The following OR51E2 variants were observed in gnomAD, a reference collection of about 807,000 sequenced individuals.
OR51E2 encodes the protein olfactory receptor family 51 subfamily E member 2.
In OR51E2, 14 loss-of-function variants were observed where a neutral mutation model predicts 13.7. The observed-to-expected ratio is 1.02, with a 90% CI of 0.68 to 1.60. The LOEUF (loss-of-function observed/expected upper bound fraction) is 1.60, where lower values mean the gene tolerates loss of function less well. OR51E2 is among the 40% of genes most tolerant of loss of function. The pLI, the probability that OR51E2 is intolerant of heterozygous loss-of-function variation, is 0.00. For synonymous variants in OR51E2, 180 were observed against 157.6 expected, an observed-to-expected ratio of 1.14 and a Z score of -1.07; for missense variants, 483 against 413.8, an observed-to-expected ratio of 1.17 and a Z score of -1.45.
rs1259923081 is a variant in OR51E2 at position 4,682,293 on chromosome 11, G to A, written c.419C>T (p.Thr140Ile). ...CACAGCCACGATGCCAATCTGGGCT[G>A]TTACTGTATTGTTGAGCACTGCAGC... is the stretch of plus-strand genomic sequence containing the variant. ...RHAAVLNNTVTAQIGIVAVVR... is the reference protein window; with the variant it reads ...RHAAVLNNTVIAQIGIVAVVR... Residue 140 changes from threonine to isoleucine, a missense_variant, in exon 2 of 2, where the codon ACA becomes ATA. Thr to Ile is a moderately conservative substitution (Grantham distance 89). Transcript: ENST00000396950. 6 of 1,614,066 alleles carry A rather than the reference G, an allele frequency of 3.7e-6. No homozygotes were observed. The Admixed American group carries it at 5.0e-5, about 13-fold the overall frequency.
At chr11:4,693,689 T>A (rs1267302178) in intron 1 of OR51E2, among the ~76,000 whole-genome samples, 1 of 152,004 alleles carries the variant, frequency 6.6e-6, no homozygotes, top group Non-Finnish European at 1.5e-5. Flanking sequence ...GCCATTGCAC[T>A]CCAACCTGGG....
At chr11:4,695,909 T>C (rs1564888763) in intron 1 of OR51E2, among the ~76,000 whole-genome samples, 1 of 152,192 alleles carries the variant, frequency 6.6e-6, no homozygotes, top group Admixed American at 6.5e-5. Flanking sequence ...CCTTGAGATA[T>C]CTTGGTTATT....
At chr11:4,694,274 C>G (rs1421161946) in intron 1 of OR51E2, among the ~76,000 whole-genome samples, 2 of 151,970 alleles carry the variant, frequency 1.3e-5, no homozygotes, top group East Asian at 3.9e-4. Context: ...TATATTTTGA[C>G]CTGATCTGTG....
At chr11:4,694,551 T>C (rs373253361) in intron 1 of OR51E2, among the ~76,000 whole-genome samples, 7 of 129,824 alleles carry the variant, frequency 5.4e-5, no homozygotes, top group East Asian at 4.4e-4. Flanking sequence ...TATATATATA[T>C]ACACACACAC....
chr11:4,685,911 C>T (rs1331516831), intron 1 of OR51E2: 1 of 152,208 alleles, frequency 6.6e-6, no homozygotes, highest in Non-Finnish European at 1.5e-5. Context: ...TAACACTAAC[C>T]TGTTCTATCT....
At chr11:4,692,785 C>T (rs183831737) in intron 1 of OR51E2, among the ~76,000 whole-genome samples, 15 of 149,312 alleles carry the variant, frequency 1.0e-4, no homozygotes, top group Admixed American at 1.3e-4. Flanking sequence ...GGAACCTCAA[C>T]GTATCCAGAC....
At chr11:4,692,121 A>G (rs1287125229) in intron 1 of OR51E2, 1 of 447,854 alleles carries the variant, frequency 2.2e-6, no homozygotes, top group African/African-American at 2.0e-5. Flanking sequence ...GGCACCAGAG[A>G]AAAATACACT....
rs1468846378 is a variant in OR51E2 at position 4,682,253 on chromosome 11, G to A, written c.459C>T (p.Leu153=). ...TCAGCAGAGGCAGTGGGAAAAAAAA[G>A]AGGGATCCGCGGACCACAGCCACGA... The part of the protein sequence containing the change: ...IGIVAVVRGS[L]FFFPLPLLIK... The change falls in exon 2 of 2, where the codon CTC becomes CTT. Residue 153 remains leucine, a synonymous_variant. Coordinates refer to ENST00000396950, the MANE Select transcript of OR51E2 (RefSeq NM_030774.4). The A allele has an allele frequency of 1.9e-6, 3 of 1,614,156 alleles. No individual in the cohort carries two copies. Among genetic ancestry groups the A allele is most frequent in the East Asian group, 4.5e-5 (2 of 44,866 alleles).
In OR51E2 at chr11:4,682,190, C is replaced by T. The variant is rs7939559; in HGVS notation, c.522G>A (p.Ser174=). Residue 174 remains serine, a synonymous_variant, in exon 2 of 2, where the codon TCG becomes TCA. Transcript: ENST00000396950. Reference sequence around the variant, plus strand: ...CATCCTGGTGGACACAATAGGAGTGCGAGAGGACATTGGAGTGGCAGAAGG... The same window carrying T: ...CATCCTGGTGGACACAATAGGAGTGTGAGAGGACATTGGAGTGGCAGAAGG... ...RLAFCHSNVL[S]HSYCVHQDVM... is the part of the protein sequence containing the mutation. The T allele has an allele frequency of 0.032, 52,160 of 1,614,016 alleles. 2,036 individuals carry two copies. Among genetic ancestry groups the T allele is most frequent in the East Asian group, 0.16 (7,084 of 44,882 alleles).
chr11:4,690,063 T>A (rs1847559082), intron 1 of OR51E2, among the ~76,000 whole-genome samples: 2 of 148,096 alleles, frequency 1.4e-5, no homozygotes, highest in South Asian at 4.2e-4. Flanking sequence ...CAAATATAAA[T>A]TATATATAAA....
chr11:4,693,773 A>G (rs1423858725), intron 1 of OR51E2, among the ~76,000 whole-genome samples: 1 of 152,108 alleles, frequency 6.6e-6, no homozygotes, highest in Non-Finnish European at 1.5e-5. Flanking sequence ...CACTTGTAAC[A>G]CTTCTCTTGA....
chr11:4,682,647 G>A lies in OR51E2; in HGVS notation c.65C>T (p.Ala22Val). The A allele has an allele frequency of 1.2e-6, 2 of 1,614,204 alleles. No individual in the cohort carries two copies. Among genetic ancestry groups the A allele is most frequent in the Non-Finnish European group, 1.7e-6 (2 of 1,180,026 alleles). Residue 22 changes from alanine (A) to valine (V), a missense_variant, in exon 2 of 2, where the codon GCC becomes GTC. Coordinates refer to ENST00000396950, the MANE Select transcript of OR51E2 (RefSeq NM_030774.4). ...VLIGIPGLEK[A>V]HFWVGFPLLS... ...GAGGGGGAAGCCAACCCAGAAATGG[G>A]CTTTCTCTAATCCTGGGATACCAAT...
intron 1 of OR51E2, chr11:4,690,703 A>G (rs1327676155): frequency 3.1e-6 from 1 of 324,830 alleles, no homozygotes; most frequent in African/African-American, 2.2e-5. Context: ...AATTGGAAAC[A>G]TGACCTGAAG....
Position 4,682,157 on chromosome 11 carries a change from C to T in OR51E2, c.555G>A (p.Lys185=). Residue 185 remains lysine, a synonymous_variant, in exon 2 of 2, where the codon AAG becomes AAA. Coordinates refer to ENST00000396950, the MANE Select transcript of OR51E2 (RefSeq NM_030774.4). ...HSYCVHQDVM[K]LAYADTLPNV... Reference sequence around the variant, plus strand: ...TGGGCAAAGTGTCTGCATAGGCCAACTTCATTACATCCTGGTGGACACAAT... The same window carrying T: ...TGGGCAAAGTGTCTGCATAGGCCAATTTCATTACATCCTGGTGGACACAAT... 6.2e-7 allele frequency: 1 copy of T among 1,614,214 alleles called. No individual in the cohort carries two copies. Among genetic ancestry groups the T allele is most frequent in the Non-Finnish European group, 8.5e-7 (1 of 1,180,036 alleles).
chr11:4,683,663 A>G (rs1342437155), intron 1 of OR51E2, among the ~76,000 whole-genome samples: 2 of 152,178 alleles, frequency 1.3e-5, no homozygotes, highest in African/African-American at 2.4e-5. Context: ...TAATTTTACA[A>G]TGATATTTTT....
chr11:4,690,098 A>T (rs1564887009), intron 1 of OR51E2, among the ~76,000 whole-genome samples: 1 of 149,542 alleles, frequency 6.7e-6, no homozygotes, highest in African/African-American at 2.4e-5. Flanking sequence ...ATTATATTAT[A>T]GGTAGCAATA....
At chr11:4,691,927 T>G (rs1374238091) in intron 1 of OR51E2, among the ~76,000 whole-genome samples, 1 of 152,212 alleles carries the variant, frequency 6.6e-6, no homozygotes, top group African/African-American at 2.4e-5. Context: ...GTACAATCTT[T>G]CTTCTCTAGG....
At chr11:4,696,282 C>T (rs1847655234) in intron 1 of OR51E2, among the ~76,000 whole-genome samples, 1 of 152,258 alleles carries the variant, frequency 6.6e-6, no homozygotes, top group East Asian at 1.9e-4. Flanking sequence ...AAACCTGGCT[C>T]TTCCTCCTGC....
chr11:4,690,625 G>A, intron 1 of OR51E2: 1 of 301,732 alleles, frequency 3.3e-6, no homozygotes, highest in East Asian at 9.1e-5. Context: ...ATACATTCCA[G>A]CTTTAACTTT....
Sources: allele counts gnomAD v4.1 joint callset (sites outside exome capture counted in the v4.1 genomes callset), GRCh38; gene constraint gnomAD v4.1.1; transcripts MANE v1.5; gene names NCBI Gene and HGNC (gene_info 2026-07-23, HGNC 2026-07-21).